OLA1: variants seen among roughly 807,000 people sequenced by gnomAD.
OLA1 encodes obg-like ATPase 1.
In OLA1, 14 loss-of-function variants were observed where a neutral mutation model predicts 48.4. The observed-to-expected ratio is 0.29, with a 90% CI of 0.19 to 0.45. The LOEUF is 0.45. Among genes scored for constraint, OLA1 ranks in the 20% least tolerant of loss-of-function variants. OLA1 has a pLI of 1.00. For missense variants in OLA1, 325 were observed against 467.1 expected (o/e 0.70, Z 2.80); for synonymous variants, 127 against 150.4 (o/e 0.84, Z 1.14).
At chr2:174,241,684 G>T (rs1689008289) in intron 2 of OLA1, among the ~76,000 whole-genome samples, 2 of 152,302 alleles carry the variant, frequency 1.3e-5, no homozygotes, top group South Asian at 4.1e-4. Context: ...GGCCCAGGTT[G>T]GAGTGCAGTG....
chr2:174,198,426 A>T (rs1441226581), intron 4 of OLA1, among the ~76,000 whole-genome samples: 8 of 152,210 alleles, frequency 5.3e-5, no homozygotes, highest in Admixed American at 5.2e-4. Context: ...ATTTTCAAAT[A>T]ACTTAAAGCA....
chr2:174,156,578 CTTT>C lies in OLA1; in HGVS notation c.374-14581_374-14579del, dbSNP rs5836451. Among the ~76,000 whole-genome samples, 482 of 74,200 alleles carry C rather than the reference CTTT, an allele frequency of 6.5e-3. 5 individuals are homozygous for C. The highest frequency in any genetic ancestry group is 0.01 in the Non-Finnish European group (397 of 39,098). The allele number at this position is 74,200 out of a possible 152,430, so 48.7% of individuals were successfully genotyped here. A position where few individuals can be genotyped will look rare whatever the true frequency, so the allele number is the denominator to read the frequency against. ...ATGCTGGCTTGTTTGCTCCCACACT[CTTT>C]TTTTTTTTTTTTTTTTTTTTGAGAT... On this transcript the variant is annotated intron_variant, in intron 4 of 10. Transcript: ENST00000284719.
chr2:174,161,134 T>G (rs1209039596), intron 4 of OLA1, among the ~76,000 whole-genome samples: 1 of 152,204 alleles, frequency 6.6e-6, no homozygotes, highest in Non-Finnish European at 1.5e-5. Flanking sequence ...TTCATATAAA[T>G]TTTTACCTAT....
chr2:174,183,855 C>T (rs1687600201), intron 4 of OLA1, among the ~76,000 whole-genome samples: 1 of 152,122 alleles, frequency 6.6e-6, no homozygotes. Flanking sequence ...ATTAATACTA[C>T]CAGAAATGTT....
chr2:174,228,704 T>C (rs532400635), intron 3 of OLA1, among the ~76,000 whole-genome samples: 1 of 152,296 alleles, frequency 6.6e-6, no homozygotes, highest in South Asian at 2.1e-4. Context: ...CCAGAGATAA[T>C]CATCAGTCTA....
At chr2:174,208,025 G>A (rs1688156586) in intron 4 of OLA1, among the ~76,000 whole-genome samples, 1 of 152,088 alleles carries the variant, frequency 6.6e-6, no homozygotes, top group Non-Finnish European at 1.5e-5. Flanking sequence ...TACAAAATTT[G>A]CACACTTTAT....
At chr2:174,239,964 T>C (rs926122986) in intron 2 of OLA1, among the ~76,000 whole-genome samples, 2 of 151,768 alleles carry the variant, frequency 1.3e-5, no homozygotes, top group Non-Finnish European at 2.9e-5. Context: ...AAAAAGGACA[T>C]TAGAGGGACA....
chr2:174,212,071 C>T lies in OLA1; in HGVS notation c.373+10962G>A, dbSNP rs565473278. Among the ~76,000 whole-genome samples, 264 of 152,212 alleles carry T rather than the reference C, an allele frequency of 1.7e-3. 1 individual carries two copies. The highest frequency in any genetic ancestry group is 6.1e-3 in the African/African-American group (253 of 41,538). ...TATTCCCAACTACAGACATGAGTTG[C>T]TTAATAATGGGGACACATCTGAGAA... On this transcript the variant is annotated intron_variant, in intron 4 of 10. Coordinates refer to ENST00000284719, the MANE Select transcript of OLA1 (RefSeq NM_013341.5).
At chr2:174,247,536 C>T in intron 1 of OLA1, 1 of 1,356,842 alleles carries the variant, frequency 7.4e-7, no homozygotes, top group South Asian at 1.4e-5. Context: ...ACACAGAAGA[C>T]AGTCAAAGAA....
At chr2:174,247,621 C>CT (rs1396932474) in intron 1 of OLA1, 3 of 1,549,424 alleles carry the variant, frequency 1.9e-6, no homozygotes, top group Non-Finnish European at 2.6e-6. Flanking sequence ...GGAATCTTAT[C>CT]TTTCCCATTC....
At chr2:174,087,023 C>A (rs1684994447) in intron 7 of OLA1, among the ~76,000 whole-genome samples, 1 of 149,478 alleles carries the variant, frequency 6.7e-6, no homozygotes, top group Non-Finnish European at 1.5e-5. Flanking sequence ...TATATTCTTT[C>A]TTTTTTTCTT....
At chr2:174,167,442 G>T (rs1158554275) in intron 4 of OLA1, among the ~76,000 whole-genome samples, 1 of 152,166 alleles carries the variant, frequency 6.6e-6, no homozygotes, top group Non-Finnish European at 1.5e-5. Context: ...TGGGCATGGT[G>T]GTGCATGCCT....
chr2:174,073,038 G>C lies in OLA1; in HGVS notation c.*2388C>G, dbSNP rs2105334016. ...ACTCTGTTGCCCAGGCTGGAGTGCA[G>C]TGGCATGATCATGGCTCACAGTAGC... On this transcript the variant is annotated 3_prime_UTR_variant, in exon 11 of 11. Coordinates refer to ENST00000284719, the MANE Select transcript of OLA1 (RefSeq NM_013341.5). 1 of 152,464 alleles carries C rather than the reference G, an allele frequency of 6.6e-6. No homozygotes were observed. Among genetic ancestry groups the C allele is most frequent in the South Asian group, 2.1e-4 (1 of 4,820 alleles). 9.4% of individuals were successfully genotyped at this position (152,464 alleles called of 1,614,324 possible).
intron 4 of OLA1, among the ~76,000 whole-genome samples, chr2:174,204,291 C>T (rs1293275277): frequency 6.6e-6 from 1 of 151,950 alleles, no homozygotes; most frequent in Non-Finnish European, 1.5e-5. Flanking sequence ...GTCCCAGCTA[C>T]TCGGGAGGCT....
intron 4 of OLA1, among the ~76,000 whole-genome samples, chr2:174,158,876 G>C (rs1461269450): frequency 6.6e-6 from 1 of 152,084 alleles, no homozygotes; most frequent in African/African-American, 2.4e-5. Context: ...AAATTTTACA[G>C]TAAAAGACTT....
rs1016748700 is a variant in OLA1, at chr2:174,163,580, C to A, written c.374-21580G>T. ...GGCAGGCACCTATAAATCCCAGCTA[C>A]TCGGGAGGCTGAGGCAGGAGAATTG... is the stretch of plus-strand genomic sequence containing the variant. On this transcript the variant is annotated intron_variant, in intron 4 of 10. Coordinates refer to ENST00000284719, the MANE Select transcript of OLA1 (RefSeq NM_013341.5). Among the ~76,000 whole-genome samples, 19 of 150,782 alleles carry A rather than the reference C, an allele frequency of 1.3e-4. No individual in the cohort carries two copies. In the East Asian group the frequency reaches 3.1e-3, roughly 25 times the overall value.
chr2:174,165,835 T>C (rs1025604699), intron 4 of OLA1, among the ~76,000 whole-genome samples: 1 of 152,164 alleles, frequency 6.6e-6, no homozygotes, highest in Non-Finnish European at 1.5e-5. Flanking sequence ...ATAACTCAAA[T>C]GTCAGGCTGG....
intron 4 of OLA1, among the ~76,000 whole-genome samples, chr2:174,187,516 G>A (rs1292460825): frequency 6.6e-6 from 1 of 152,162 alleles, no homozygotes; most frequent in African/African-American, 2.4e-5. Context: ...TTTCTAATTG[G>A]TTTCACAAAC....
At chr2:174,097,542 CTTGTAATCCTAGCACT>C (rs1685284539) in intron 7 of OLA1, among the ~76,000 whole-genome samples, 1 of 151,950 alleles carries the variant, frequency 6.6e-6, no homozygotes, top group Admixed American at 6.6e-5. Context: ...GTGGCTCATG[CTTGTAATCCTAGCACT>C]TTGGGAGGCC....
Sources: gnomAD v4.1 joint callset for allele counts (sites outside exome capture counted in the v4.1 genomes callset) on GRCh38, gnomAD v4.1.1 for gene constraint, MANE v1.5 for transcripts, NCBI Gene and HGNC (gene_info 2026-07-23, HGNC 2026-07-21) for gene names.